The following DOCK3 variants were observed in gnomAD, a reference collection of about 807,000 sequenced individuals.
DOCK3 encodes dedicator of cytokinesis protein 3.
Under a neutral mutation model 265.6 loss-of-function variants are expected in DOCK3, and 60 were observed. The observed-to-expected ratio is 0.23, with a 90% CI of 0.18 to 0.28. The LOEUF (loss-of-function observed/expected upper bound fraction) is 0.28. DOCK3 is among the 10% of genes least tolerant of loss of function. The pLI is 1.00. For missense variants in DOCK3, 1,981 were observed against 2,594.3 expected (o/e 0.76, Z 5.14); for synonymous variants, 881 against 938.0 (o/e 0.94, Z 1.11).
intron 6 of DOCK3, among the ~76,000 whole-genome samples, chr3:51,073,883 A>G (rs2081969105): frequency 6.6e-6 from 1 of 152,152 alleles, no homozygotes. Flanking sequence ...CTTTCTCCAT[A>G]TAGGTTTGAT....
At chr3:51,278,395 G>A (rs778514022) in intron 26 of DOCK3, 2 of 985,212 alleles carry the variant, frequency 2.0e-6, no homozygotes, top group Non-Finnish European at 2.4e-6. Flanking sequence ...CCCTGAGGTG[G>A]GGATGTGATA....
At chr3:51,238,579 A>C (rs2078452517) in intron 21 of DOCK3, among the ~76,000 whole-genome samples, 1 of 152,096 alleles carries the variant, frequency 6.6e-6, no homozygotes, top group Admixed American at 6.5e-5. Flanking sequence ...AGTACCCATT[A>C]GTTATTTTTC....
At chr3:50,967,632 C>A (rs1462275230) in intron 5 of DOCK3, among the ~76,000 whole-genome samples, 1 of 152,132 alleles carries the variant, frequency 6.6e-6, no homozygotes, top group Non-Finnish European at 1.5e-5. Context: ...AGGAAACTTA[C>A]AATCATGGTG....
At chr3:50,858,145 G>A (rs910156872) in intron 3 of DOCK3, among the ~76,000 whole-genome samples, 3 of 152,058 alleles carry the variant, frequency 2.0e-5, no homozygotes, top group African/African-American at 7.3e-5. Flanking sequence ...GGATGCAGCT[G>A]GAAACCATAA....
Position 50,896,318 on chromosome 3 carries a change from A to T in DOCK3, c.218+6237A>T, listed in dbSNP as rs1190078581. Among the ~76,000 whole-genome samples the T allele has an allele frequency of 2.6e-5, 4 of 152,152 alleles. No individual in the cohort carries two copies. The South Asian group carries it at 8.3e-4, about 32-fold the overall frequency. On this transcript the variant is annotated intron_variant, in intron 4 of 52. Coordinates refer to ENST00000266037, the MANE Select transcript of DOCK3 (RefSeq NM_004947.5). ...GTCTTCTTTTGAGAAGTGTCTGTTC[A>T]TCTCCTTTGCCCACTTTTTGATGGA...
chr3:51,306,918 C>G (rs1269158183), intron 27 of DOCK3, among the ~76,000 whole-genome samples: 1 of 152,084 alleles, frequency 6.6e-6, no homozygotes, highest in Non-Finnish European at 1.5e-5. Context: ...TTATTTACTT[C>G]TTTTTGCCCG....
chr3:50,716,883 A>G (rs1272521713), intron 1 of DOCK3, among the ~76,000 whole-genome samples: 4 of 152,038 alleles, frequency 2.6e-5, no homozygotes, highest in East Asian at 1.9e-4. Flanking sequence ...TCAGTTCTCT[A>G]CTTTTTCCAC....
intron 3 of DOCK3, among the ~76,000 whole-genome samples, chr3:50,845,672 T>C (rs1046804661): frequency 2.0e-5 from 3 of 152,182 alleles, no homozygotes; most frequent in Admixed American, 6.5e-5. Context: ...GACCCATTAC[T>C]GTCATACAGT....
At chr3:50,729,794 G>A (rs1339363377) in intron 1 of DOCK3, among the ~76,000 whole-genome samples, 1 of 151,074 alleles carries the variant, frequency 6.6e-6, no homozygotes, top group Non-Finnish European at 1.5e-5. Context: ...GGGATTACAG[G>A]TGTGAGTCAC....
At chr3:50,900,038 A>G (rs760184146) in intron 4 of DOCK3, among the ~76,000 whole-genome samples, 1 of 152,114 alleles carries the variant, frequency 6.6e-6, no homozygotes, top group African/African-American at 2.4e-5. Context: ...AGGTTGGGGA[A>G]AAGTTCTCCT....
At chr3:51,316,304 A>G (rs1226997231) in intron 32 of DOCK3, among the ~76,000 whole-genome samples, 2 of 152,190 alleles carry the variant, frequency 1.3e-5, no homozygotes, top group Non-Finnish European at 2.9e-5. Flanking sequence ...AAATTAATCC[A>G]TGTCACTGCA....
intron 5 of DOCK3, among the ~76,000 whole-genome samples, chr3:50,958,292 G>A (rs901294596): frequency 5.3e-5 from 8 of 152,170 alleles, no homozygotes; most frequent in Non-Finnish European, 1.2e-4. Context: ...CATTGTCCCT[G>A]CTTGCTCAGT....
chr3:51,130,524 A>G (rs2084480783), intron 9 of DOCK3, among the ~76,000 whole-genome samples: 1 of 152,214 alleles, frequency 6.6e-6, no homozygotes. Context: ...TGGAGTCACC[A>G]CTTGGTTAAG....
chr3:50,761,563 C>G (rs1407132073), intron 1 of DOCK3, among the ~76,000 whole-genome samples: 1 of 152,158 alleles, frequency 6.6e-6, no homozygotes, highest in Non-Finnish European at 1.5e-5. Context: ...CCCTGGGAAG[C>G]CGTCAAAAGT....
At chr3:51,324,706 T>C (rs2083977415) in intron 32 of DOCK3, among the ~76,000 whole-genome samples, 1 of 152,118 alleles carries the variant, frequency 6.6e-6, no homozygotes, top group Admixed American at 6.5e-5. Context: ...ATGGTACTGG[T>C]ACCAAAACAG....
At chr3:51,012,216 A>C (rs1295284797) in intron 5 of DOCK3, among the ~76,000 whole-genome samples, 1 of 152,142 alleles carries the variant, frequency 6.6e-6, no homozygotes, top group African/African-American at 2.4e-5. Flanking sequence ...TGCCCTGCCC[A>C]ATGGAGTTAA....
chr3:51,125,112 A>G (rs1330830204), intron 9 of DOCK3, among the ~76,000 whole-genome samples: 1 of 152,084 alleles, frequency 6.6e-6, no homozygotes, highest in Non-Finnish European at 1.5e-5. Context: ...ACAGACTGAG[A>G]CTCCATTTCA....
intron 5 of DOCK3, among the ~76,000 whole-genome samples, chr3:50,970,228 T>G (rs908150925): frequency 1.3e-5 from 2 of 152,218 alleles, no homozygotes; most frequent in Non-Finnish European, 2.9e-5. Context: ...TTAGGATTTT[T>G]TCCTTTACGT....
At chr3:50,988,777 G>A (rs1040655406) in intron 5 of DOCK3, among the ~76,000 whole-genome samples, 2 of 152,126 alleles carry the variant, frequency 1.3e-5, no homozygotes, top group Non-Finnish European at 1.5e-5. Context: ...GCAGCCCTAC[G>A]GAAAAGTGGC....
Sources: allele counts gnomAD v4.1 joint callset (sites outside exome capture counted in the v4.1 genomes callset), GRCh38; gene constraint gnomAD v4.1.1; transcripts MANE v1.5; gene names NCBI Gene and HGNC (gene_info 2026-07-23, HGNC 2026-07-21).